Variants in PRKN observed in about 807,000 individuals in gnomAD.
PRKN encodes E3 ubiquitin-protein ligase parkin.
In PRKN, 56 loss-of-function variants were observed where a neutral mutation model predicts 59.5. The ratio of observed to expected loss-of-function variants is 0.94; its 90% CI spans 0.76 to 1.18. The LOEUF is 1.18. Among genes scored for constraint, PRKN ranks in the 50% most tolerant of loss-of-function variants. PRKN has a pLI of 0.00. For missense variants in PRKN, 657 were observed against 596.4 expected (o/e 1.10, Z -1.06); for synonymous variants, 250 against 222.1 (o/e 1.13, Z -1.12).
chr6:162,645,370 C>T (rs1778126596), intron 1 of PRKN, among the ~76,000 whole-genome samples: 1 of 152,120 alleles, frequency 6.6e-6, no homozygotes, highest in African/African-American at 2.4e-5. Flanking sequence ...GATTTTTGTG[C>T]ATCAAGAAGC....
intron 4 of PRKN, among the ~76,000 whole-genome samples, chr6:162,120,826 T>C (rs1291365698): frequency 6.6e-6 from 1 of 152,192 alleles, no homozygotes; most frequent in Non-Finnish European, 1.5e-5. Flanking sequence ...GTCAAAGATT[T>C]GAAAAAGGCA....
At chr6:161,669,907 G>A (rs1034124280) in intron 7 of PRKN, among the ~76,000 whole-genome samples, 6 of 152,224 alleles carry the variant, frequency 3.9e-5, no homozygotes, top group African/African-American at 1.4e-4. Flanking sequence ...AGCCTGCAGC[G>A]CACAGGCTCT....
intron 5 of PRKN, among the ~76,000 whole-genome samples, chr6:162,033,655 T>C (rs2128279827): frequency 6.6e-6 from 1 of 152,334 alleles, no homozygotes; most frequent in Middle Eastern, 3.4e-3. Context: ...CCAGAGGTTC[T>C]CTTGTAGTTA....
chr6:162,215,735 A>G (rs985210455), intron 3 of PRKN, among the ~76,000 whole-genome samples: 1 of 152,132 alleles, frequency 6.6e-6, no homozygotes, highest in African/African-American at 2.4e-5. Context: ...CACTGAATAC[A>G]GGAGCAAAAC....
chr6:161,979,087 C>A (rs2128253713), intron 5 of PRKN, among the ~76,000 whole-genome samples: 1 of 152,204 alleles, frequency 6.6e-6, no homozygotes, highest in African/African-American at 2.4e-5. Flanking sequence ...CATTTGTATA[C>A]CAATAGTCAC....
chr6:161,519,773 G>A, intron 9 of PRKN, among the ~76,000 whole-genome samples: 1 of 152,182 alleles, frequency 6.6e-6, no homozygotes, highest in East Asian at 1.9e-4. Flanking sequence ...CATTGACGAT[G>A]CAATTCTTAG....
At chr6:162,089,849 G>A (rs952142204) in intron 4 of PRKN, among the ~76,000 whole-genome samples, 6 of 152,276 alleles carry the variant, frequency 3.9e-5, no homozygotes, top group Non-Finnish European at 8.8e-5. Flanking sequence ...TAGAGACAAA[G>A]TCAATTTGTG....
At chr6:161,821,719 C>G (rs868118116) in intron 6 of PRKN, among the ~76,000 whole-genome samples, 2 of 64,672 alleles carry the variant, frequency 3.1e-5, no homozygotes. Context: ...CACTGGTGTT[C>G]TTTTTTTTTT....
chr6:161,718,256 A>G (rs1464791594), intron 7 of PRKN, among the ~76,000 whole-genome samples: 1 of 152,104 alleles, frequency 6.6e-6, no homozygotes, highest in Non-Finnish European at 1.5e-5. Context: ...AGGAGCGTCC[A>G]TAGCAATCAC....
chr6:162,572,346 TA>T (rs1780370393), intron 1 of PRKN, among the ~76,000 whole-genome samples: 1 of 152,174 alleles, frequency 6.6e-6, no homozygotes, highest in African/African-American at 2.4e-5. Context: ...AAAAAGAATT[TA>T]TGGCTACAGA....
intron 5 of PRKN, among the ~76,000 whole-genome samples, chr6:162,017,087 T>G (rs902821904): frequency 2.0e-5 from 3 of 152,174 alleles, no homozygotes; most frequent in Admixed American, 1.3e-4. Context: ...TGTGGATTAA[T>G]TTTTTGTGTT....
intron 4 of PRKN, among the ~76,000 whole-genome samples, chr6:162,088,936 A>C (rs975482894): frequency 6.6e-6 from 1 of 152,224 alleles, no homozygotes; most frequent in Non-Finnish European, 1.5e-5. Context: ...GCCTAATGCA[A>C]GGGATACAAC....
chr6:162,128,582 T>C (rs1781215976), intron 4 of PRKN, among the ~76,000 whole-genome samples: 2 of 152,210 alleles, frequency 1.3e-5, no homozygotes, highest in African/African-American at 4.8e-5. Flanking sequence ...TTTTCAGTAG[T>C]GCATTTATAC....
rs1466122585 is a variant in PRKN at position 162,056,908 on chromosome 6, G to A, written c.535-2734C>T. On this transcript the variant is annotated intron_variant, in intron 4 of 11. Coordinates refer to ENST00000366898, the MANE Select transcript of PRKN (RefSeq NM_004562.3). This position sits in a 1 kb window ranked among gnomAD's most constrained non-coding sequence, Gnocchi z 4.9. ...AGTGCCTCTCGAGTGACCACTGGGG[G>A]AGGACTCAGAGCCTTGCCTGCGGTT... 6.6e-6 allele frequency among the ~76,000 whole-genome samples: 1 copy of A among 152,148 alleles called. No homozygotes were observed. Among genetic ancestry groups the A allele is most frequent in the Non-Finnish European group, 1.5e-5 (1 of 68,030 alleles).
chr6:162,252,016 C>T (rs554471650), intron 3 of PRKN, among the ~76,000 whole-genome samples: 5 of 152,168 alleles, frequency 3.3e-5, no homozygotes, highest in East Asian at 1.9e-4. Flanking sequence ...GTCAAAAGGT[C>T]GAAATTGCAT....
intron 1 of PRKN, among the ~76,000 whole-genome samples, chr6:162,710,104 G>A (rs1379672614): frequency 6.6e-6 from 1 of 152,156 alleles, no homozygotes; most frequent in Non-Finnish European, 1.5e-5. Flanking sequence ...AGCTGACACA[G>A]TGTCTCAATA....
chr6:162,652,923 A>C (rs554540640), intron 1 of PRKN, among the ~76,000 whole-genome samples: 1 of 152,344 alleles, frequency 6.6e-6, no homozygotes, highest in African/African-American at 2.4e-5. Flanking sequence ...TTTCAAATAC[A>C]AAAGATATAA....
At chr6:161,740,820 A>G (rs1788155099) in intron 7 of PRKN, among the ~76,000 whole-genome samples, 1 of 152,220 alleles carries the variant, frequency 6.6e-6, no homozygotes, top group Admixed American at 6.5e-5. Flanking sequence ...AGTGAAGAAG[A>G]AAGTCTATCA....
At chr6:162,708,766 C>A (rs1778422361) in intron 1 of PRKN, among the ~76,000 whole-genome samples, 2 of 152,166 alleles carry the variant, frequency 1.3e-5, no homozygotes, top group African/African-American at 2.4e-5. Flanking sequence ...ACCTAAAGAG[C>A]CTTGTTGGGA....
Sources: allele counts gnomAD v4.1 joint callset (sites outside exome capture counted in the v4.1 genomes callset), GRCh38; gene constraint gnomAD v4.1.1; non-coding constraint Gnocchi (gnomAD v3.1); transcripts MANE v1.5; gene names NCBI Gene and HGNC (gene_info 2026-07-23, HGNC 2026-07-21).